The following NCALD variants were observed in gnomAD, a reference collection of about 807,000 sequenced individuals.
The protein encoded by NCALD is neurocalcin delta.
A neutral mutation model predicts 18.6 loss-of-function variants in NCALD; 10 were observed. The observed-to-expected ratio is 0.54, with a 90% CI of 0.33 to 0.91. The LOEUF (loss-of-function observed/expected upper bound fraction) is 0.91, where lower values mean the gene tolerates loss of function less well. Ranked by LOEUF, NCALD falls within the 40% of genes least tolerant of loss-of-function variation. The pLI, the probability that NCALD is intolerant of heterozygous loss-of-function variation, is 0.03. For synonymous variants in NCALD, 88 were observed against 87.4 expected (o/e 1.01, Z -0.04); for missense variants, 184 against 247.6 (o/e 0.74, Z 1.72).
intron 2 of NCALD, among the ~76,000 whole-genome samples, chr8:101,711,141 C>G (rs557525766): frequency 5.7e-4 from 87 of 152,232 alleles, no homozygotes; most frequent in African/African-American, 2.1e-3. Flanking sequence ...AGAGAGAACC[C>G]CCAGCAAACT....
At chr8:101,944,806 T>G (rs1819104124) in intron 2 of NCALD, among the ~76,000 whole-genome samples, 2 of 152,350 alleles carry the variant, frequency 1.3e-5, no homozygotes, top group South Asian at 4.1e-4. Flanking sequence ...CAGCATTTCC[T>G]GTCAGGCCCA....
Position 101,697,384 on chromosome 8 carries a change from G to A in NCALD, c.379-4488C>T, listed in dbSNP as rs1303567759. On this transcript the variant is annotated intron_variant, in intron 2 of 3. Coordinates refer to ENST00000220931, the MANE Select transcript of NCALD (RefSeq NM_032041.3). ...CAGAGATACAAAGGGGAGCTGGTAC[G>A]ATTCCTTCTGAAACTATCCCAAACA... Among the ~76,000 whole-genome samples, 6 of 152,266 alleles carry A rather than the reference G, an allele frequency of 3.9e-5. 1 individual carries two copies. In the South Asian group the frequency reaches 8.3e-4, roughly 21 times the overall value.
At chr8:102,046,328 T>G (rs1051028554) in intron 1 of NCALD, among the ~76,000 whole-genome samples, 3 of 152,212 alleles carry the variant, frequency 2.0e-5, no homozygotes, top group African/African-American at 7.2e-5. Context: ...GAATCAGACA[T>G]TCATGCTCAT....
intron 4 of NCALD, among the ~76,000 whole-genome samples, chr8:101,871,583 C>CTTTTTTTTTTT (rs3056946): frequency 7.2e-6 from 1 of 138,844 alleles, no homozygotes; most frequent in Non-Finnish European, 1.6e-5. Context: ...TTCAGATTTT[C>CTTTTTTTTTTT]TTTTTTTTTT....
Position 101,687,472 on chromosome 8 carries a change from GA to G in NCALD, c.*1836del, listed in dbSNP as rs1285086244. On this transcript the variant is annotated 3_prime_UTR_variant, in exon 4 of 4. Coordinates refer to ENST00000220931, the MANE Select transcript of NCALD (RefSeq NM_032041.3). ...GAGGAAGACTAGGATTATTTTTACA[GA>G]GTCTAGGTCTCAAAATTTCACCCTA... 2.0e-5 allele frequency: 3 copies of G among 152,774 alleles called. No homozygotes were observed. The highest frequency in any genetic ancestry group is 7.2e-5 in the African/African-American group (3 of 41,578). The allele number at this position is 152,774 out of a possible 1,614,324, so 9.5% of individuals were successfully genotyped here.
intron 1 of NCALD, among the ~76,000 whole-genome samples, chr8:102,108,802 A>G (rs1049994907): frequency 6.6e-6 from 1 of 152,232 alleles, no homozygotes; most frequent in Non-Finnish European, 1.5e-5. Flanking sequence ...TTCTACTTAT[A>G]GTGATCAAAG....
At chr8:101,968,714 C>A (rs1586843692) in intron 2 of NCALD, among the ~76,000 whole-genome samples, 2 of 152,142 alleles carry the variant, frequency 1.3e-5, no homozygotes, top group East Asian at 3.8e-4. Flanking sequence ...TTCCCAAAAC[C>A]CTCCACATCA....
intron 2 of NCALD, among the ~76,000 whole-genome samples, chr8:101,954,221 C>G (rs1315127070): frequency 6.6e-6 from 1 of 152,178 alleles, no homozygotes; most frequent in Non-Finnish European, 1.5e-5. Context: ...TGGATGGCAA[C>G]TCATGATGGT....
Position 101,941,996 on chromosome 8 carries a change from T to A in NCALD, c.-156-26138A>T, listed in dbSNP as rs144198144. Among the ~76,000 whole-genome samples the A allele has an allele frequency of 2.0e-5, 3 of 152,330 alleles. No homozygotes were observed. In the East Asian group the frequency reaches 5.8e-4, roughly 29 times the overall value. Reference sequence around the variant, plus strand: ...CTCATCTTTTTCTCAGAGGAAACAGTTCTTCATGGTGGTAGAATTCCATTT... The same window carrying A: ...CTCATCTTTTTCTCAGAGGAAACAGATCTTCATGGTGGTAGAATTCCATTT... On this transcript the variant is annotated intron_variant, in intron 2 of 6. Coordinates refer to the NCALD transcript ENST00000311028.
At chr8:101,870,907 C>CA (rs1157578658) in intron 4 of NCALD, among the ~76,000 whole-genome samples, 1 of 92,526 alleles carries the variant, frequency 1.1e-5, no homozygotes, top group African/African-American at 4.3e-5. Context: ...ACCCCCCCCC[C>CA]CCAAAAAAAG....
At chr8:101,783,323 CA>C (rs939981012) in intron 1 of NCALD, among the ~76,000 whole-genome samples, 1 of 152,170 alleles carries the variant, frequency 6.6e-6, no homozygotes, top group African/African-American at 2.4e-5. Context: ...AGTAAGGACA[CA>C]AGGACCACAT....
intron 1 of NCALD, among the ~76,000 whole-genome samples, chr8:101,738,802 G>A (rs1371414839): frequency 6.6e-6 from 1 of 152,004 alleles, no homozygotes; most frequent in Non-Finnish European, 1.5e-5. Context: ...GATGCATCGG[G>A]GTTTTTGTGT....
chr8:102,001,041 G>A (rs1299784617), intron 2 of NCALD, among the ~76,000 whole-genome samples: 1 of 152,228 alleles, frequency 6.6e-6, no homozygotes, highest in Non-Finnish European at 1.5e-5. Flanking sequence ...ACTTTGATGA[G>A]TAGAGAGAAG....
At position 101,711,805 on chromosome 8, in the gene NCALD, C is replaced by T. The variant is rs545274789; in HGVS notation, c.378+7447G>A. Among the ~76,000 whole-genome samples, 30 of 152,200 alleles carry T rather than the reference C, an allele frequency of 2.0e-4. 2 individuals are homozygous for T. Among genetic ancestry groups the T allele is most frequent in the Middle Eastern group, 6.8e-3 (2 of 294 alleles). On this transcript the variant is annotated intron_variant, in intron 2 of 3. Coordinates refer to ENST00000220931, the MANE Select transcript of NCALD (RefSeq NM_032041.3). ...CAAACTTAACGTTTGATTGGTGTAC[C>T]TGAAAATGACAGAGAGAATGGAACC... is the stretch of plus-strand genomic sequence containing the variant.
At chr8:101,922,957 TG>T (rs1659715323) in intron 2 of NCALD, among the ~76,000 whole-genome samples, 1 of 152,188 alleles carries the variant, frequency 6.6e-6, no homozygotes, top group Non-Finnish European at 1.5e-5. Context: ...TTATTGTAAC[TG>T]TACCTAGGAA....
intron 1 of NCALD, among the ~76,000 whole-genome samples, chr8:102,021,705 G>C (rs899309525): frequency 3.3e-5 from 5 of 152,168 alleles, no homozygotes; most frequent in Non-Finnish European, 7.3e-5. Context: ...ACTCCCAGCA[G>C]AGACTCTTCT....
At chr8:101,862,569 A>G (rs1563836026) in intron 4 of NCALD, among the ~76,000 whole-genome samples, 3 of 152,242 alleles carry the variant, frequency 2.0e-5, no homozygotes, top group Non-Finnish European at 4.4e-5. Flanking sequence ...ATTAATATCT[A>G]ATAGCATAAT....
At position 102,043,104 on chromosome 8, in the gene NCALD, A is replaced by G. The variant is rs559796713; in HGVS notation, c.-209-22815T>C. Among the ~76,000 whole-genome samples the G allele has an allele frequency of 3.3e-5, 5 of 151,996 alleles. No homozygotes were observed. The East Asian group carries it at 9.7e-4, about 29-fold the overall frequency. ...TGTCGATGCATTAAGACCAAAGTAT[A>G]ACCTCACCTCTCACACAAGGAAGTC... On this transcript the variant is annotated intron_variant, in intron 1 of 6. Transcript: ENST00000311028.
intron 4 of NCALD, among the ~76,000 whole-genome samples, chr8:101,832,297 C>T (rs955224308): frequency 6.6e-6 from 1 of 152,136 alleles, no homozygotes; most frequent in African/African-American, 2.4e-5. Flanking sequence ...GGGACCTCCT[C>T]CTTGAGGCCT....
Sources: gnomAD v4.1 joint callset for allele counts (sites outside exome capture counted in the v4.1 genomes callset) on GRCh38, gnomAD v4.1.1 for gene constraint, MANE v1.5 for transcripts, NCBI Gene and HGNC (gene_info 2026-07-23, HGNC 2026-07-21) for gene names.